SMC6: variants seen among roughly 807,000 people sequenced by gnomAD.
SMC6 encodes the protein structural maintenance of chromosomes protein 6.
Under a neutral mutation model 142.2 loss-of-function variants are expected in SMC6, and 79 were observed. The observed-to-expected ratio is 0.56, with a 90% CI of 0.46 to 0.67. The LOEUF is 0.67. Among genes scored for constraint, SMC6 ranks in the 30% least tolerant of loss-of-function variants. The pLI, the probability that SMC6 is intolerant of heterozygous loss-of-function variation, is 0.00. For missense variants in SMC6, 1,072 were observed against 1,284.0 expected, an observed-to-expected ratio of 0.83 and a Z score of 2.52; for synonymous variants, 411 against 412.4, an observed-to-expected ratio of 1.00 and a Z score of 0.04.
chr2:17,716,923 A>G lies in SMC6; in HGVS notation c.1182-18T>C. On this transcript the variant is annotated intron_variant, in intron 13 of 27. Transcript: ENST00000448223. ...GGTCAGTACTAACAGTAAATAACCC[A>G]AAGTGAAAAATGTTAGTTCAATGAA... is the stretch of plus-strand genomic sequence containing the variant. 6.3e-7 allele frequency: 1 copy of G among 1,585,426 alleles called. No individual in the cohort carries two copies. Among genetic ancestry groups the G allele is most frequent in the Non-Finnish European group, 8.5e-7 (1 of 1,170,428 alleles).
chr2:17,702,465 T>C (rs1668314002), intron 19 of SMC6, among the ~76,000 whole-genome samples: 1 of 152,214 alleles, frequency 6.6e-6, no homozygotes. Context: ...AACTTGGACA[T>C]CAGATACTTA....
chr2:17,744,364 T>C (rs1400173358), intron 3 of SMC6, among the ~76,000 whole-genome samples: 1 of 152,212 alleles, frequency 6.6e-6, no homozygotes, highest in Non-Finnish European at 1.5e-5. Flanking sequence ...AATTTTAACG[T>C]CCATGTGTTC....
intron 16 of SMC6, among the ~76,000 whole-genome samples, chr2:17,709,594 C>T (rs1668719990): frequency 1.3e-5 from 2 of 152,130 alleles, no homozygotes; most frequent in Admixed American, 1.3e-4. Flanking sequence ...TCCATTAATT[C>T]AACACATATT....
intron 25 of SMC6, among the ~76,000 whole-genome samples, chr2:17,673,507 T>C (rs1215556572): frequency 1.3e-5 from 2 of 152,060 alleles, no homozygotes; most frequent in African/African-American, 4.8e-5. Context: ...AAATTACTTT[T>C]TGTATATAAA....
At chr2:17,689,265 T>C (rs915800575) in intron 23 of SMC6, among the ~76,000 whole-genome samples, 9 of 151,940 alleles carry the variant, frequency 5.9e-5, no homozygotes, top group Non-Finnish European at 1.0e-4. Context: ...AGAAAAAATA[T>C]CGTATAAAAT....
At chr2:17,740,596 G>C (rs1156472013) in intron 4 of SMC6, 3 of 269,676 alleles carry the variant, frequency 1.1e-5, no homozygotes, top group African/African-American at 7.1e-5. Flanking sequence ...GCTCACACCT[G>C]TTAATCCCAG....
At chr2:17,750,216 G>C (rs146222612) in intron 2 of SMC6, among the ~76,000 whole-genome samples, 2 of 152,302 alleles carry the variant, frequency 1.3e-5, no homozygotes, top group African/African-American at 4.8e-5. Flanking sequence ...CAGAAAGTAA[G>C]AATAGTAGCA....
chr2:17,738,929 G>A (rs1029455376), intron 4 of SMC6, among the ~76,000 whole-genome samples: 8 of 152,100 alleles, frequency 5.3e-5, no homozygotes, highest in African/African-American at 1.4e-4. Context: ...GATTATAGAT[G>A]TGAGCCACTG....
chr2:17,708,554 A>C lies in SMC6; in HGVS notation c.1845+85T>G, dbSNP rs896467270. 8.3e-6 allele frequency: 5 copies of C among 599,512 alleles called. No individual in the cohort carries two copies. The South Asian group carries it at 2.9e-4, about 35-fold the overall frequency. The allele number at this position is 599,512 out of a possible 1,614,324, so 37.1% of individuals were successfully genotyped here. ...AAACACATCAGCAACTCTATGATAA[A>C]AGGGGAATAGGAATTTATATAATTA... On this transcript the variant is annotated intron_variant, in intron 17 of 27. Coordinates refer to ENST00000448223, the MANE Select transcript of SMC6 (RefSeq NM_001142286.2).
intron 8 of SMC6, 118 bp from the exon 9 acceptor site, chr2:17,725,476 A>AT: frequency 1.6e-6 from 1 of 610,100 alleles, no homozygotes; most frequent in South Asian, 2.4e-5. Flanking sequence ...GTAAAAAGAC[A>AT]TTAAAAACGT....
At chr2:17,687,193 T>G (rs746167283) in intron 23 of SMC6, among the ~76,000 whole-genome samples, 15 of 152,206 alleles carry the variant, frequency 9.9e-5, no homozygotes, top group Non-Finnish European at 1.8e-4. Flanking sequence ...GTAAAGTCAC[T>G]TCTGGAAAAT....
chr2:17,740,288 GAATGATAAAGTAAGAAA>G (rs1558378460), intron 4 of SMC6, among the ~76,000 whole-genome samples: 1 of 152,108 alleles, frequency 6.6e-6, no homozygotes. Context: ...CTTCCTGACT[GAATGATAAAGTAAGAAA>G]AACAACAAAA....
chr2:17,720,697 A>G (rs962866278), intron 11 of SMC6, among the ~76,000 whole-genome samples: 4 of 152,200 alleles, frequency 2.6e-5, no homozygotes, highest in African/African-American at 9.6e-5. Flanking sequence ...TCCACTGACA[A>G]TATGCATGAG....
rs189309950 is a variant in SMC6 at position 17,707,121 on chromosome 2, G to A, written c.2006+98C>T. On this transcript the variant is annotated intron_variant, in intron 18 of 27. Transcript: ENST00000448223. ...CCAAGCACTGAGATAGATTACTCAC[G>A]TCCTCACTGAAACAACCACTAAAAG... 4.2e-3 allele frequency: 3,971 copies of A among 941,176 alleles called. 15 individuals carry two copies. Among genetic ancestry groups the A allele is most frequent in the Non-Finnish European group, 5.4e-3 (3,602 of 668,462 alleles). The allele number at this position is 941,176 out of a possible 1,614,324, so 58.3% of individuals were successfully genotyped here. A position where few individuals can be genotyped will look rare whatever the true frequency, so the allele number is the denominator to read the frequency against.
At chr2:17,702,752 G>A (rs1668328461) in intron 19 of SMC6, among the ~76,000 whole-genome samples, 1 of 152,036 alleles carries the variant, frequency 6.6e-6, no homozygotes, top group Non-Finnish European at 1.5e-5. Context: ...GTTTTATAAG[G>A]CGTTTCCCCT....
chr2:17,694,648 C>G (rs902116360), intron 23 of SMC6, among the ~76,000 whole-genome samples: 1 of 152,132 alleles, frequency 6.6e-6, no homozygotes, highest in Non-Finnish European at 1.5e-5. Context: ...AGAGAGATAG[C>G]TAATTTGCCA....
intron 16 of SMC6, among the ~76,000 whole-genome samples, chr2:17,712,860 T>C (rs1475077450): frequency 6.6e-6 from 1 of 152,244 alleles, no homozygotes; most frequent in Non-Finnish European, 1.5e-5. Flanking sequence ...GTCAATATCC[T>C]GTCAACACCC....
chr2:17,713,162 C>A (rs1487120458), intron 16 of SMC6, among the ~76,000 whole-genome samples: 1 of 152,188 alleles, frequency 6.6e-6, no homozygotes. Flanking sequence ...TACCTACCCA[C>A]TCTAAAAAAC....
At chr2:17,723,160 TACA>T (rs943316802) in intron 9 of SMC6, among the ~76,000 whole-genome samples, 1 of 152,200 alleles carries the variant, frequency 6.6e-6, no homozygotes, top group Non-Finnish European at 1.5e-5. Flanking sequence ...CCATGTCCAC[TACA>T]ACATCTGCCT....
Sources: gnomAD v4.1 joint callset for allele counts (sites outside exome capture counted in the v4.1 genomes callset) on GRCh38, gnomAD v4.1.1 for gene constraint, MANE v1.5 for transcripts, NCBI Gene and HGNC (gene_info 2026-07-23, HGNC 2026-07-21) for gene names.